MGMT: variants seen among roughly 807,000 people sequenced by gnomAD.
MGMT encodes the protein methylated-DNA--protein-cysteine methyltransferase.
Under a neutral mutation model 15.9 loss-of-function variants are expected in MGMT, and 14 were observed. The observed-to-expected ratio is 0.88, with a 90% confidence interval of 0.58 to 1.37. The LOEUF (loss-of-function observed/expected upper bound fraction) is 1.37. MGMT is among the 40% of genes most tolerant of loss of function. The probability of loss-of-function intolerance (pLI) is 0.00; values close to 1 mark genes in which losing one functional copy is unlikely to be tolerated. For synonymous variants in MGMT, 130 were observed against 118.2 expected (o/e 1.10, Z -0.65); for missense variants, 282 against 268.1 (o/e 1.05, Z -0.36).
chr10:129,669,390 T>G (rs1847696505), intron 2 of MGMT, among the ~76,000 whole-genome samples: 2 of 152,200 alleles, frequency 1.3e-5, no homozygotes, highest in African/African-American at 4.8e-5. Flanking sequence ...ACTCACCTTT[T>G]TAATGACCCC....
chr10:129,723,335 A>G (rs931632313), intron 3 of MGMT, among the ~76,000 whole-genome samples: 1 of 152,088 alleles, frequency 6.6e-6, no homozygotes, highest in Admixed American at 6.6e-5. Context: ...TTACCTCCTC[A>G]TAGCTTAGCT....
chr10:129,651,277 G>A (rs970654016), intron 2 of MGMT, among the ~76,000 whole-genome samples: 3 of 152,226 alleles, frequency 2.0e-5, no homozygotes, highest in South Asian at 2.1e-4. Context: ...CTGCAGCACC[G>A]GCGCTTTTAG....
rs976330343 is a variant in MGMT, at chr10:129,681,036, C to T, written c.126-26859C>T. 2.6e-5 allele frequency among the ~76,000 whole-genome samples: 4 copies of T among 152,222 alleles called. No homozygotes were observed. In the East Asian group the frequency reaches 5.8e-4, roughly 22 times the overall value. ...AAACTGCTCCCACCACCAGTGCTGC[C>T]TGTGCTGTGGCCCTGCTTTGTGTCC... On this transcript the variant is annotated intron_variant, in intron 2 of 4. Transcript: ENST00000651593.
At chr10:129,511,090 C>G (rs1228708942) in intron 1 of MGMT, among the ~76,000 whole-genome samples, 1 of 147,694 alleles carries the variant, frequency 6.8e-6, no homozygotes, top group African/African-American at 2.5e-5. Context: ...ATACCAGACT[C>G]AGCCACGTGC....
chr10:129,564,913 G>GCTGA (rs1846336642), intron 2 of MGMT, among the ~76,000 whole-genome samples: 1 of 152,010 alleles, frequency 6.6e-6, no homozygotes, highest in South Asian at 2.1e-4. Flanking sequence ...ACTGCCCTCA[G>GCTGA]GGTCCCTTCC....
intron 2 of MGMT, among the ~76,000 whole-genome samples, chr10:129,644,466 G>A (rs1177131743): frequency 6.6e-6 from 1 of 152,224 alleles, no homozygotes; most frequent in Non-Finnish European, 1.5e-5. Context: ...GAGGCTGGAA[G>A]GAAACTAGTT....
intron 1 of MGMT, among the ~76,000 whole-genome samples, chr10:129,471,826 C>T (rs182553293): frequency 5.9e-5 from 9 of 152,260 alleles, no homozygotes; most frequent in African/African-American, 2.2e-4. Context: ...GATCCGAGTC[C>T]CCCTTCCAGA....
intron 3 of MGMT, among the ~76,000 whole-genome samples, chr10:129,755,122 C>G (rs911532815): frequency 6.6e-6 from 1 of 152,252 alleles, no homozygotes; most frequent in Non-Finnish European, 1.5e-5. Flanking sequence ...CGTAGCTGCT[C>G]TGTGCCTTCT....
intron 2 of MGMT, among the ~76,000 whole-genome samples, chr10:129,596,513 G>A (rs1846753106): frequency 6.6e-6 from 1 of 152,148 alleles, no homozygotes; most frequent in African/African-American, 2.4e-5. Flanking sequence ...ATGGGCATGA[G>A]CTTGTGTGCA....
intron 2 of MGMT, among the ~76,000 whole-genome samples, chr10:129,706,856 C>T (rs933062994): frequency 6.6e-6 from 1 of 152,100 alleles, no homozygotes; most frequent in African/African-American, 2.4e-5. Flanking sequence ...CCCACCAGGT[C>T]GAAGCCACAG....
At chr10:129,688,338 C>G (rs1014817331) in intron 2 of MGMT, among the ~76,000 whole-genome samples, 1 of 152,202 alleles carries the variant, frequency 6.6e-6, no homozygotes, top group Non-Finnish European at 1.5e-5. Context: ...TTCTCCACAT[C>G]CTCTCCAGCA....
intron 1 of MGMT, among the ~76,000 whole-genome samples, chr10:129,497,797 G>A (rs112014522): frequency 6.6e-6 from 1 of 152,298 alleles, no homozygotes; most frequent in Non-Finnish European, 1.5e-5. Flanking sequence ...TATAAAAGAG[G>A]ACTGAGGGAG....
At chr10:129,692,666 T>C (rs937813418) in intron 2 of MGMT, among the ~76,000 whole-genome samples, 5 of 152,110 alleles carry the variant, frequency 3.3e-5, no homozygotes, top group African/African-American at 1.2e-4. Context: ...GGGTGTGGCG[T>C]GGGCCCAGCG....
At chr10:129,605,586 A>T (rs1320583292) in intron 2 of MGMT, among the ~76,000 whole-genome samples, 1 of 152,010 alleles carries the variant, frequency 6.6e-6, no homozygotes, top group Non-Finnish European at 1.5e-5. Flanking sequence ...TTTAAAAAAA[A>T]ACATGGAAAA....
intron 1 of MGMT, among the ~76,000 whole-genome samples, chr10:129,483,511 A>G (rs916085108): frequency 2.6e-5 from 4 of 152,174 alleles, no homozygotes; most frequent in East Asian, 1.9e-4. Context: ...TCTCACCTGC[A>G]TTCTTGAAAA....
At chr10:129,704,461 T>C (rs778385988) in intron 2 of MGMT, among the ~76,000 whole-genome samples, 14 of 152,072 alleles carry the variant, frequency 9.2e-5, no homozygotes, top group Non-Finnish European at 1.9e-4. Flanking sequence ...GGGCACTGTC[T>C]GCGTGAGTTC....
rs546013727 is a variant in MGMT at position 129,769,582 on chromosome 10, T to G, written c.*2585T>G. 6.6e-6 allele frequency: 1 copy of G among 151,708 alleles called. No homozygotes were observed. Among genetic ancestry groups the G allele is most frequent in the East Asian group, 2.0e-4 (1 of 5,080 alleles). 9.4% of individuals were successfully genotyped at this position (151,708 alleles called of 1,614,324 possible). A position where few individuals can be genotyped will look rare whatever the true frequency, so the allele number is the denominator to read the frequency against. Reference sequence around the variant, plus strand: ...CTCAGACCGGCGGACCACGCTCCCCTGTTTCCAGAGAGATGAGAGAGTCAG... The same window carrying G: ...CTCAGACCGGCGGACCACGCTCCCCGGTTTCCAGAGAGATGAGAGAGTCAG... On this transcript the variant is annotated 3_prime_UTR_variant, in exon 5 of 5. Coordinates refer to ENST00000651593, the MANE Select transcript of MGMT (RefSeq NM_002412.5).
Position 129,734,363 on chromosome 10 carries a change from T to C in MGMT, c.275-24839T>C, listed in dbSNP as rs888789805. ...CACTCATGATTTGGCTCTCTGTTTG[T>C]CTGTTATTGGTGTATAAGAATGCTT... On this transcript the variant is annotated intron_variant, in intron 3 of 4. Transcript: ENST00000651593. Among the ~76,000 whole-genome samples, 81 of 143,546 alleles carry C rather than the reference T, an allele frequency of 5.6e-4. 2 individuals carry two copies. The highest frequency in any genetic ancestry group is 3.4e-4 in the Non-Finnish European group (22 of 64,802). The allele number at this position is 143,546 out of a possible 152,430, so 94.2% of individuals were successfully genotyped here.
intron 1 of MGMT, among the ~76,000 whole-genome samples, chr10:129,495,537 G>A (rs575403086): frequency 6.6e-6 from 1 of 152,238 alleles, no homozygotes; most frequent in Admixed American, 6.5e-5. Context: ...ATGATCGATG[G>A]ACTGCTGAAC....
Sources: gnomAD v4.1 joint callset for allele counts (sites outside exome capture counted in the v4.1 genomes callset) on GRCh38, gnomAD v4.1.1 for gene constraint, MANE v1.5 for transcripts, NCBI Gene and HGNC (gene_info 2026-07-23, HGNC 2026-07-21) for gene names.